KDM4C: variants seen among roughly 807,000 people sequenced by gnomAD.
KDM4C encodes lysine-specific demethylase 4C.
KDM4C carries 81 observed loss-of-function variants against 129.3 expected under a neutral mutation model. The observed-to-expected ratio is 0.63, with a 90% confidence interval of 0.52 to 0.75. The LOEUF (loss-of-function observed/expected upper bound fraction) is 0.75. Ranked by LOEUF, KDM4C falls within the 30% of genes least tolerant of loss-of-function variation. The pLI is 0.00. For synonymous variants in KDM4C, 573 were observed against 456.1 expected (o/e 1.26, Z -3.26); for missense variants, 1,457 against 1,304.0 (o/e 1.12, Z -1.81).
intron 21 of KDM4C, among the ~76,000 whole-genome samples, chr9:7,172,614 T>G (rs1845075939): frequency 6.6e-6 from 1 of 152,214 alleles, no homozygotes; most frequent in Admixed American, 6.5e-5. Flanking sequence ...TCTTCTCTAG[T>G]GAAACTAGGT....
chr9:6,968,542 C>G lies in KDM4C; in HGVS notation c.922-12383C>G, dbSNP rs184118752. ...AACAATAATTAAGTTAAACTGTTTC[C>G]ACATATTTTATGGTTTCATAAAGAA... is the stretch of plus-strand genomic sequence containing the variant. On this transcript the variant is annotated intron_variant, in intron 8 of 21. Coordinates refer to ENST00000381309, the MANE Select transcript of KDM4C (RefSeq NM_015061.6). Among the ~76,000 whole-genome samples the G allele has an allele frequency of 5.9e-5, 9 of 152,158 alleles. No individual in the cohort carries two copies. In the East Asian group the frequency reaches 9.6e-4, roughly 16 times the overall value.
chr9:7,169,296 A>T (rs1844718136), intron 20 of KDM4C, among the ~76,000 whole-genome samples: 1 of 152,036 alleles, frequency 6.6e-6, no homozygotes, highest in Non-Finnish European at 1.5e-5. Context: ...ATTTCCAAGA[A>T]TTTTGGCCTG....
chr9:6,783,609 C>T (rs1024869134), intron 1 of KDM4C, among the ~76,000 whole-genome samples: 4 of 151,964 alleles, frequency 2.6e-5, no homozygotes, highest in Non-Finnish European at 4.4e-5. Context: ...TGGAGGGGTT[C>T]GCTGAGGAAT....
chr9:6,912,256 A>G (rs1589064187), intron 8 of KDM4C, among the ~76,000 whole-genome samples: 1 of 152,194 alleles, frequency 6.6e-6, no homozygotes, highest in East Asian at 1.9e-4. Context: ...TCCTCCCCAG[A>G]CTAACGAATA....
At chr9:7,139,872 G>A (rs566693213) in intron 19 of KDM4C, among the ~76,000 whole-genome samples, 1 of 152,294 alleles carries the variant, frequency 6.6e-6, no homozygotes, top group East Asian at 1.9e-4. Flanking sequence ...GGGGCATAAG[G>A]CAGAAGGAGA....
At chr9:7,162,987 G>A (rs1003489623) in intron 19 of KDM4C, among the ~76,000 whole-genome samples, 3 of 152,126 alleles carry the variant, frequency 2.0e-5, no homozygotes, top group Non-Finnish European at 4.4e-5. Context: ...GCTTATATCT[G>A]TTGGCAAACA....
chr9:6,992,314 C>G (rs935434021), intron 12 of KDM4C, among the ~76,000 whole-genome samples: 2 of 152,220 alleles, frequency 1.3e-5, no homozygotes, highest in East Asian at 1.9e-4. Context: ...GAAAGCAGTT[C>G]TGATTTCAGT....
intron 1 of KDM4C, among the ~76,000 whole-genome samples, chr9:6,761,673 G>C (rs944111479): frequency 5.9e-5 from 9 of 152,122 alleles, no homozygotes; most frequent in South Asian, 2.1e-4. Flanking sequence ...TTATTCCCTT[G>C]ATATTCACTT....
upstream of KDM4C, among the ~76,000 whole-genome samples, chr9:6,755,519 G>A (rs952635362): frequency 3.3e-5 from 5 of 152,204 alleles, no homozygotes; most frequent in African/African-American, 1.2e-4. Context: ...CTGCACTCCA[G>A]CCTGGGCAAC....
At chr9:6,829,586 C>A (rs1048841093) in intron 4 of KDM4C, among the ~76,000 whole-genome samples, 3 of 152,190 alleles carry the variant, frequency 2.0e-5, no homozygotes, top group East Asian at 3.8e-4. Context: ...TAGGGTTTAT[C>A]CTAGATGACT....
At chr9:6,931,729 G>A (rs974414703) in intron 8 of KDM4C, among the ~76,000 whole-genome samples, 2 of 152,210 alleles carry the variant, frequency 1.3e-5, no homozygotes, top group South Asian at 2.1e-4. Flanking sequence ...TTGAACTGCT[G>A]GACTCAAGTG....
chr9:7,102,645 A>G (rs770477412), intron 17 of KDM4C, among the ~76,000 whole-genome samples: 47 of 152,202 alleles, frequency 3.1e-4, no homozygotes, highest in Non-Finnish European at 5.4e-4. Flanking sequence ...TTAAATGCAC[A>G]TTGATTCTTG....
intron 2 of KDM4C, among the ~76,000 whole-genome samples, chr9:6,794,131 A>G (rs531572939): frequency 6.6e-6 from 1 of 152,290 alleles, no homozygotes; most frequent in Non-Finnish European, 1.5e-5. Flanking sequence ...TATTTGTTCA[A>G]CAAATGTGGA....
At chr9:6,985,980 C>T (rs1817624685) in intron 10 of KDM4C, among the ~76,000 whole-genome samples, 1 of 152,216 alleles carries the variant, frequency 6.6e-6, no homozygotes, top group Non-Finnish European at 1.5e-5. Flanking sequence ...CGTGAGCCAC[C>T]GTGCCCGGCT....
intron 12 of KDM4C, among the ~76,000 whole-genome samples, chr9:7,006,311 C>G (rs146679616): frequency 6.6e-6 from 1 of 152,194 alleles, no homozygotes; most frequent in African/African-American, 2.4e-5. Flanking sequence ...CTCCCCTTCT[C>G]ATAACATGTC....
Position 7,130,308 on chromosome 9 carries a change from C to G in KDM4C, c.2781+2072C>G, listed in dbSNP as rs937408696. 5.3e-5 allele frequency among the ~76,000 whole-genome samples: 8 copies of G among 152,300 alleles called. No homozygotes were observed. The East Asian group carries it at 1.5e-3, about 29-fold the overall frequency. On this transcript the variant is annotated intron_variant, in intron 19 of 21. Transcript: ENST00000381309. ...TAGGAATTAATGAACCCTAAATTCT[C>G]TTTTACATCATAAGCCTATACACAC...
chr9:6,834,657 A>G, intron 4 of KDM4C: 1 of 793,540 alleles, frequency 1.3e-6, no homozygotes, highest in Non-Finnish European at 2.3e-6. Context: ...CTGACCCTGA[A>G]GTGCCTCATC....
intron 19 of KDM4C, among the ~76,000 whole-genome samples, chr9:7,153,387 G>C (rs1020879778): frequency 6.6e-6 from 1 of 152,148 alleles, no homozygotes; most frequent in Non-Finnish European, 1.5e-5. Flanking sequence ...CCATTCCTCC[G>C]GTGCTTGGTG....
At position 6,981,142 on chromosome 9, in the gene KDM4C, C is replaced by G. The variant is rs113038417; in HGVS notation, c.1115+24C>G. 4,452 of 1,561,948 alleles carry G rather than the reference C, an allele frequency of 2.9e-3. 126 individuals carry two copies. The African/African-American group carries it at 0.055, about 19-fold the overall frequency. The stretch of plus-strand genomic sequence containing the variant: ...AGGTAATGACCCCTCACCCCACTGA[C>G]CTGCCTTGCCTGTCGTGTTTTCTCA... On this transcript the variant is annotated intron_variant, in intron 9 of 21. Transcript: ENST00000381309.
Sources: allele counts gnomAD v4.1 joint callset (sites outside exome capture counted in the v4.1 genomes callset), GRCh38; gene constraint gnomAD v4.1.1; transcripts MANE v1.5; gene names NCBI Gene and HGNC (gene_info 2026-07-23, HGNC 2026-07-21).